Variants in PPM1E observed in about 807,000 individuals in gnomAD.
PPM1E encodes protein phosphatase 1E.
In PPM1E, 20 loss-of-function variants were observed where a neutral mutation model predicts 65.9. That is an observed-to-expected ratio of 0.30 (90% CI 0.21 to 0.44). The LOEUF (loss-of-function observed/expected upper bound fraction) is 0.44, where lower values mean the gene tolerates loss of function less well. Ranked by LOEUF, PPM1E falls within the 20% of genes least tolerant of loss-of-function variation. PPM1E has a pLI of 1.00. For synonymous variants in PPM1E, 352 were observed against 374.9 expected (o/e 0.94, Z 0.70); for missense variants, 713 against 953.1 (o/e 0.75, Z 3.32).
chr17:58,881,681 A>C (rs547630358), intron 1 of PPM1E, among the ~76,000 whole-genome samples: 8 of 152,012 alleles, frequency 5.3e-5, no homozygotes, highest in African/African-American at 1.9e-4. Context: ...AAAACAAAAA[A>C]CAAAACATAA....
chr17:58,787,678 G>A (rs991400169), intron 1 of PPM1E, among the ~76,000 whole-genome samples: 4 of 152,134 alleles, frequency 2.6e-5, no homozygotes, highest in Admixed American at 2.6e-4. Context: ...GGAGGCCGAG[G>A]CGGGCGGATC....
At chr17:58,935,877 T>A (rs911302916) in intron 1 of PPM1E, among the ~76,000 whole-genome samples, 1 of 152,012 alleles carries the variant, frequency 6.6e-6, no homozygotes, top group African/African-American at 2.4e-5. Flanking sequence ...ATGTGCAGGT[T>A]AGTTACATAT....
intron 1 of PPM1E, among the ~76,000 whole-genome samples, chr17:58,942,767 A>T (rs2052091453): frequency 6.6e-6 from 1 of 152,134 alleles, no homozygotes; most frequent in African/African-American, 2.4e-5. Flanking sequence ...TGGCACATGT[A>T]TACATATGTA....
chr17:58,883,337 T>A (rs1054464332), intron 1 of PPM1E, among the ~76,000 whole-genome samples: 8 of 152,160 alleles, frequency 5.3e-5, no homozygotes, highest in Non-Finnish European at 1.0e-4. Flanking sequence ...TACAGTTATC[T>A]CTTGGAAATA....
At chr17:58,865,689 A>T (rs1310250412) in intron 1 of PPM1E, among the ~76,000 whole-genome samples, 1 of 152,224 alleles carries the variant, frequency 6.6e-6, no homozygotes, top group African/African-American at 2.4e-5. Context: ...TGACAGAAGG[A>T]GACCCTGTCT....
intron 1 of PPM1E, among the ~76,000 whole-genome samples, chr17:58,896,982 A>G (rs906757755): frequency 6.6e-6 from 1 of 152,174 alleles, no homozygotes; most frequent in Non-Finnish European, 1.5e-5. Flanking sequence ...CTTAAGAATT[A>G]TGCTAAATCT....
In PPM1E at chr17:58,873,208, G is replaced by A. The variant is rs184595197; in HGVS notation, c.465-82441G>A. 4.6e-5 allele frequency among the ~76,000 whole-genome samples: 7 copies of A among 152,074 alleles called. No individual in the cohort carries two copies. The East Asian group carries it at 5.8e-4, about 13-fold the overall frequency. On this transcript the variant is annotated intron_variant, in intron 1 of 6. Coordinates refer to ENST00000308249, the MANE Select transcript of PPM1E (RefSeq NM_014906.5). ...TATGATTTATCTCTTTAATATTAAC[G>A]AAATTTAGGAATTACCTTCTGATGT...
At chr17:58,878,670 C>T (rs1021108147) in intron 1 of PPM1E, among the ~76,000 whole-genome samples, 3 of 151,372 alleles carry the variant, frequency 2.0e-5, no homozygotes, top group Admixed American at 1.3e-4. Context: ...TGGTGGCTCA[C>T]ACCTGTAATC....
intron 1 of PPM1E, among the ~76,000 whole-genome samples, chr17:58,904,535 C>T (rs994920703): frequency 7.9e-5 from 12 of 152,130 alleles, no homozygotes; most frequent in Non-Finnish European, 1.5e-4. Flanking sequence ...TAGAAGATAT[C>T]TGCAAAATAA....
intron 1 of PPM1E, among the ~76,000 whole-genome samples, chr17:58,799,223 TG>T (rs1194036493): frequency 6.6e-6 from 1 of 152,204 alleles, no homozygotes; most frequent in African/African-American, 2.4e-5. Flanking sequence ...TCTATTTTGT[TG>T]ATATGCTTGT....
chr17:58,963,066 G>A (rs534869854), intron 2 of PPM1E, among the ~76,000 whole-genome samples: 1 of 151,674 alleles, frequency 6.6e-6, no homozygotes, highest in South Asian at 2.1e-4. Flanking sequence ...TCTAGCCTGG[G>A]CAACAGAGAG....
intron 1 of PPM1E, among the ~76,000 whole-genome samples, chr17:58,917,098 T>C (rs1045678059): frequency 4.0e-5 from 6 of 151,720 alleles, no homozygotes; most frequent in African/African-American, 1.5e-4. Flanking sequence ...TAATCCCAAC[T>C]ACTCGGGAGG....
chr17:58,867,052 C>T (rs542779806), intron 1 of PPM1E, among the ~76,000 whole-genome samples: 4 of 152,270 alleles, frequency 2.6e-5, no homozygotes, highest in East Asian at 1.9e-4. Context: ...ATGATCTCGG[C>T]TCACTGCAAC....
At chr17:58,913,750 T>C (rs1425690725) in intron 1 of PPM1E, among the ~76,000 whole-genome samples, 1 of 152,150 alleles carries the variant, frequency 6.6e-6, no homozygotes, top group Non-Finnish European at 1.5e-5. Context: ...TGAGCCAGCT[T>C]TACCTGTCTG....
At chr17:58,919,217 C>T (rs985361842) in intron 1 of PPM1E, among the ~76,000 whole-genome samples, 1 of 151,760 alleles carries the variant, frequency 6.6e-6, no homozygotes, top group Non-Finnish European at 1.5e-5. Context: ...AGGAAGAAAA[C>T]CATAAGAGAA....
intron 1 of PPM1E, among the ~76,000 whole-genome samples, chr17:58,946,433 A>C (rs2052151628): frequency 6.6e-6 from 1 of 152,178 alleles, no homozygotes; most frequent in Non-Finnish European, 1.5e-5. Flanking sequence ...TATTTGGGAT[A>C]CCAGTCTCAT....
At chr17:58,764,915 G>A (rs1294489098) in intron 1 of PPM1E, among the ~76,000 whole-genome samples, 2 of 151,706 alleles carry the variant, frequency 1.3e-5, no homozygotes, top group Admixed American at 1.3e-4. Context: ...TTCTTTCCAG[G>A]TTTGTATAGG....
intron 3 of PPM1E, chr17:58,966,797 T>C (rs1361922665): frequency 6.5e-6 from 1 of 152,970 alleles, no homozygotes; most frequent in African/African-American, 2.4e-5. Context: ...AAAATTACAA[T>C]GTAGTAATTT....
rs141908536 is a variant in PPM1E, at chr17:58,934,978, C to T, written c.465-20671C>T. On this transcript the variant is annotated intron_variant, in intron 1 of 6. Coordinates refer to ENST00000308249, the MANE Select transcript of PPM1E (RefSeq NM_014906.5). ...TTAAAAATGGCTAGACTGGGCCGGGCGCGGTGGCTCACGCCTGTAATCCCA... is the reference window on the plus strand; with the variant it reads ...TTAAAAATGGCTAGACTGGGCCGGGTGCGGTGGCTCACGCCTGTAATCCCA... Among the ~76,000 whole-genome samples, 147 of 148,620 alleles carry T rather than the reference C, an allele frequency of 9.9e-4. 2 individuals are homozygous for T. The highest frequency in any genetic ancestry group is 3.4e-3 in the African/African-American group (139 of 40,378).
Sources: gnomAD v4.1 joint callset for allele counts (sites outside exome capture counted in the v4.1 genomes callset) on GRCh38, gnomAD v4.1.1 for gene constraint, MANE v1.5 for transcripts, NCBI Gene and HGNC (gene_info 2026-07-23, HGNC 2026-07-21) for gene names.